The following TSPAN5 variants were observed in gnomAD, a reference collection of about 807,000 sequenced individuals.
TSPAN5 encodes the protein tetraspanin 5.
A neutral mutation model predicts 37.1 loss-of-function variants in TSPAN5; 10 were observed. The ratio of observed to expected loss-of-function variants is 0.27; its 90% CI spans 0.17 to 0.46. The LOEUF (loss-of-function observed/expected upper bound fraction) is 0.46, where lower values mean the gene tolerates loss of function less well. Among genes scored for constraint, TSPAN5 ranks in the 20% least tolerant of loss-of-function variants. The probability of loss-of-function intolerance (pLI) is 1.00; values close to 1 mark genes in which losing one functional copy is unlikely to be tolerated. For synonymous variants in TSPAN5, 110 were observed against 118.9 expected (o/e 0.93, Z 0.48); for missense variants, 195 against 326.6 (o/e 0.60, Z 3.11).
intron 1 of TSPAN5, among the ~76,000 whole-genome samples, chr4:98,557,895 C>T (rs1221044078): frequency 4.6e-5 from 7 of 152,118 alleles, no homozygotes; most frequent in Admixed American, 4.6e-4. Context: ...AAACACTATT[C>T]CTCAAAACTG....
At chr4:98,474,830 C>T (rs1173615338) in intron 7 of TSPAN5, among the ~76,000 whole-genome samples, 1 of 152,164 alleles carries the variant, frequency 6.6e-6, no homozygotes, top group Admixed American at 6.5e-5. Flanking sequence ...TGTGCCATTA[C>T]ATTTGGCTAA....
intron 2 of TSPAN5, among the ~76,000 whole-genome samples, chr4:98,496,147 G>A (rs140148110): frequency 4.6e-5 from 7 of 152,330 alleles, no homozygotes; most frequent in African/African-American, 9.6e-5. Context: ...GCTACTCAGC[G>A]AGGGGTGATC....
chr4:98,575,163 C>T (rs1056227957), intron 1 of TSPAN5, among the ~76,000 whole-genome samples: 2 of 152,084 alleles, frequency 1.3e-5, no homozygotes, highest in African/African-American at 4.8e-5. Context: ...AAATAAAGTA[C>T]AAACTCAACA....
intron 2 of TSPAN5, among the ~76,000 whole-genome samples, chr4:98,502,679 C>A (rs564607787): frequency 6.6e-6 from 1 of 152,080 alleles, no homozygotes; most frequent in Non-Finnish European, 1.5e-5. Context: ...TCTACAAAGA[C>A]AAGATGCAGA....
chr4:98,513,613 C>G (rs1024348949), intron 1 of TSPAN5, among the ~76,000 whole-genome samples: 2 of 152,098 alleles, frequency 1.3e-5, no homozygotes, highest in Non-Finnish European at 2.9e-5. Flanking sequence ...GCATCTTCTA[C>G]AGAGACTATG....
intron 1 of TSPAN5, among the ~76,000 whole-genome samples, chr4:98,550,471 G>C (rs952272454): frequency 1.3e-5 from 2 of 152,048 alleles, no homozygotes; most frequent in Non-Finnish European, 2.9e-5. Context: ...ATTTCTCTGG[G>C]GAGATGGTCA....
At chr4:98,560,684 A>G (rs1039346001) in intron 1 of TSPAN5, among the ~76,000 whole-genome samples, 1 of 152,230 alleles carries the variant, frequency 6.6e-6, no homozygotes, top group Non-Finnish European at 1.5e-5. Context: ...AATGAGCAAA[A>G]CAAATGCTGT....
Position 98,627,610 on chromosome 4 carries a change from C to T in TSPAN5, c.81+30536G>A, listed in dbSNP as rs180809198. On this transcript the variant is annotated intron_variant, in intron 1 of 7. Transcript: ENST00000305798. ...ATCTTGGCTTAGAGTCAGCCAAATA[C>T]GGTCATTCTTCTTTAAGTATAAATG... 1.7e-3 allele frequency among the ~76,000 whole-genome samples: 260 copies of T among 152,248 alleles called. 1 individual carries two copies. The Middle Eastern group carries it at 0.034, about 20-fold the overall frequency.
intron 1 of TSPAN5, among the ~76,000 whole-genome samples, chr4:98,619,598 C>T (rs775012227): frequency 6.6e-6 from 1 of 152,086 alleles, no homozygotes; most frequent in African/African-American, 2.4e-5. Flanking sequence ...AGCTTACTGC[C>T]TATTTAAAAA....
At chr4:98,628,524 T>C (rs908461375) in intron 1 of TSPAN5, among the ~76,000 whole-genome samples, 15 of 152,154 alleles carry the variant, frequency 9.9e-5, no homozygotes, top group African/African-American at 2.9e-4. Context: ...ATTTTTTAAA[T>C]ATGAAGTTCC....
intron 1 of TSPAN5, among the ~76,000 whole-genome samples, chr4:98,633,434 G>A (rs1756790588): frequency 6.6e-6 from 1 of 152,170 alleles, no homozygotes; most frequent in African/African-American, 2.4e-5. Flanking sequence ...AATTGCAGAT[G>A]AAGTTATGAG....
chr4:98,485,720 G>A (rs1024518611), intron 3 of TSPAN5, among the ~76,000 whole-genome samples: 1 of 146,144 alleles, frequency 6.8e-6, no homozygotes, highest in Non-Finnish European at 1.5e-5. Flanking sequence ...CTGGGGAAGA[G>A]AATCACACAT....
At position 98,476,192 on chromosome 4, in the gene TSPAN5, C is replaced by A; in HGVS notation, c.738G>T (p.Leu246=). The change falls in exon 7 of 8, where the codon CTG becomes CTT. Residue 246 remains leucine (L), a synonymous_variant. Transcript: ENST00000305798. ...CCATAAAGGACCCTTATCTTACCTG[C>A]AGCAATGCAATGCCTATGAAAATAC... ...VAGIFIGIAL[L]QIFGICLAQN... 1 of 1,612,456 alleles carries A rather than the reference C, an allele frequency of 6.2e-7. No individual in the cohort carries two copies. The highest frequency in any genetic ancestry group is 8.5e-7 in the Non-Finnish European group (1 of 1,178,496).
At chr4:98,543,951 G>T (rs1259684362) in intron 1 of TSPAN5, among the ~76,000 whole-genome samples, 1 of 152,048 alleles carries the variant, frequency 6.6e-6, no homozygotes, top group Non-Finnish European at 1.5e-5. Flanking sequence ...GCCGAGGCAG[G>T]AGGATTGTCT....
intron 1 of TSPAN5, among the ~76,000 whole-genome samples, chr4:98,602,810 G>A (rs1212807848): frequency 6.6e-6 from 1 of 152,184 alleles, no homozygotes; most frequent in African/African-American, 2.4e-5. Context: ...TGCAAGAGAT[G>A]GCTGTCTCCA....
chr4:98,592,137 T>C (rs926896151), intron 1 of TSPAN5, among the ~76,000 whole-genome samples: 2 of 150,900 alleles, frequency 1.3e-5, no homozygotes, highest in Non-Finnish European at 2.9e-5. Flanking sequence ...AACAACTAGA[T>C]AGCCACATGG....
chr4:98,645,038 G>A (rs184209173), intron 1 of TSPAN5, among the ~76,000 whole-genome samples: 2 of 152,292 alleles, frequency 1.3e-5, no homozygotes, highest in African/African-American at 2.4e-5. Flanking sequence ...CCCAAAGTGC[G>A]ATTCCCTGGT....
At chr4:98,627,972 A>ACAGTATTAAGTT (rs1467014213) in intron 1 of TSPAN5, among the ~76,000 whole-genome samples, 2 of 152,208 alleles carry the variant, frequency 1.3e-5, no homozygotes, top group African/African-American at 4.8e-5. Context: ...AATTTAGATA[A>ACAGTATTAAGTT]CAGTATTAAG....
At chr4:98,638,224 C>T (rs1241545323) in intron 1 of TSPAN5, among the ~76,000 whole-genome samples, 3 of 152,190 alleles carry the variant, frequency 2.0e-5, no homozygotes, top group African/African-American at 7.2e-5. Context: ...CAAGCACTCC[C>T]ATGTGTCACA....
Sources: allele counts gnomAD v4.1 joint callset (sites outside exome capture counted in the v4.1 genomes callset), GRCh38; gene constraint gnomAD v4.1.1; transcripts MANE v1.5; gene names NCBI Gene and HGNC (gene_info 2026-07-23, HGNC 2026-07-21).